The following AGBL1 variants were observed in gnomAD, a reference collection of about 807,000 sequenced individuals.
AGBL1 encodes the protein AGBL carboxypeptidase 1.
Under a neutral mutation model 118.9 loss-of-function variants are expected in AGBL1, and 130 were observed. The observed-to-expected ratio is 1.09, with a 90% CI of 0.95 to 1.26. The LOEUF is 1.26. AGBL1 is among the 50% of genes most tolerant of loss of function. The probability of loss-of-function intolerance (pLI) is 0.00; values close to 1 mark genes in which losing one functional copy is unlikely to be tolerated. For synonymous variants in AGBL1, 555 were observed against 478.9 expected (o/e 1.16, Z -2.08); for missense variants, 1,584 against 1,298.1 (o/e 1.22, Z -3.38).
intron 3 of AGBL1, among the ~76,000 whole-genome samples, chr15:86,148,632 A>G (rs1005326835): frequency 2.6e-5 from 4 of 152,244 alleles, no homozygotes; most frequent in African/African-American, 9.6e-5. Flanking sequence ...CTATGTGAAA[A>G]TACCAAATCT....
chr15:86,996,518 C>T (rs1170966811), intron 24 of AGBL1, among the ~76,000 whole-genome samples: 1 of 152,164 alleles, frequency 6.6e-6, no homozygotes. Context: ...GGGAGGATAG[C>T]CTGAGCCTGA....
intron 15 of AGBL1, among the ~76,000 whole-genome samples, chr15:86,278,070 C>T (rs1048201675): frequency 3.3e-5 from 5 of 152,152 alleles, no homozygotes; most frequent in Non-Finnish European, 7.4e-5. Flanking sequence ...GCATGCTTTC[C>T]GAGCTACCAT....
At chr15:86,215,130 C>T (rs989854514) in intron 5 of AGBL1, among the ~76,000 whole-genome samples, 1 of 151,890 alleles carries the variant, frequency 6.6e-6, no homozygotes, top group Admixed American at 6.6e-5. Flanking sequence ...CTGTTTTCTC[C>T]TCTCTCCCTT....
chr15:86,468,829 G>A (rs998231103), intron 18 of AGBL1, among the ~76,000 whole-genome samples: 1 of 152,142 alleles, frequency 6.6e-6, no homozygotes, highest in Admixed American at 6.5e-5. Flanking sequence ...TTAGGAGAGA[G>A]GAACTATTCA....
intron 5 of AGBL1, among the ~76,000 whole-genome samples, chr15:86,220,006 C>T (rs1426816630): frequency 7.7e-6 from 1 of 129,158 alleles, no homozygotes; most frequent in Non-Finnish European, 1.5e-5. Context: ...GGCTGGAGTG[C>T]AGTGGCACAA....
At chr15:86,470,884 G>A (rs1281113250) in intron 18 of AGBL1, among the ~76,000 whole-genome samples, 1 of 151,976 alleles carries the variant, frequency 6.6e-6, no homozygotes, top group Non-Finnish European at 1.5e-5. Flanking sequence ...GTGTCTTGCA[G>A]CATTACTGAA....
intron 13 of AGBL1, among the ~76,000 whole-genome samples, chr15:86,267,691 A>G (rs1255549217): frequency 6.6e-6 from 1 of 152,222 alleles, no homozygotes; most frequent in Non-Finnish European, 1.5e-5. Flanking sequence ...AGGAAATAAA[A>G]CACAAATGAA....
intron 23 of AGBL1, among the ~76,000 whole-genome samples, chr15:86,944,934 C>A (rs2080800199): frequency 6.6e-6 from 1 of 152,110 alleles, no homozygotes; most frequent in Non-Finnish European, 1.5e-5. Flanking sequence ...TAAACTGGCT[C>A]TTTCCTGAGC....
intron 17 of AGBL1, among the ~76,000 whole-genome samples, chr15:86,360,773 G>T (rs1221840885): frequency 6.6e-6 from 1 of 151,808 alleles, no homozygotes; most frequent in Non-Finnish European, 1.5e-5. Flanking sequence ...TTGGTAGGTT[G>T]TATATTTCTA....
intron 22 of AGBL1, among the ~76,000 whole-genome samples, chr15:86,801,315 A>G (rs540703881): frequency 2.7e-5 from 3 of 112,690 alleles, no homozygotes; most frequent in Admixed American, 8.1e-5. Context: ...GATTACATCT[A>G]TCTATCTATC....
At chr15:86,749,900 G>C (rs995196364) in intron 22 of AGBL1, among the ~76,000 whole-genome samples, 7 of 152,124 alleles carry the variant, frequency 4.6e-5, no homozygotes, top group Non-Finnish European at 8.8e-5. Context: ...TGTGCTGCTG[G>C]ATTCCGTTTG....
chr15:86,947,251 G>A (rs2080836285), intron 23 of AGBL1, among the ~76,000 whole-genome samples: 1 of 152,188 alleles, frequency 6.6e-6, no homozygotes, highest in Non-Finnish European at 1.5e-5. Flanking sequence ...TTTGGTAATT[G>A]TTTTGAATGA....
chr15:86,453,000 C>G (rs527660803), intron 18 of AGBL1, among the ~76,000 whole-genome samples: 1 of 152,184 alleles, frequency 6.6e-6, no homozygotes, highest in African/African-American at 2.4e-5. Context: ...ATCCTATATG[C>G]CTTACCCTTC....
intron 24 of AGBL1, among the ~76,000 whole-genome samples, chr15:87,007,000 A>T (rs1290373646): frequency 6.6e-6 from 1 of 152,186 alleles, no homozygotes; most frequent in Non-Finnish European, 1.5e-5. Flanking sequence ...AGCAGGGAAA[A>T]ACTAAGTCAT....
intron 22 of AGBL1, among the ~76,000 whole-genome samples, chr15:86,906,821 C>A (rs1244136666): frequency 2.0e-5 from 3 of 152,152 alleles, no homozygotes; most frequent in East Asian, 1.9e-4. Flanking sequence ...CTTTCCCCCC[C>A]AAGCCTCAAG....
At chr15:86,638,282 G>C (rs1301025085) in intron 21 of AGBL1, among the ~76,000 whole-genome samples, 1 of 152,200 alleles carries the variant, frequency 6.6e-6, no homozygotes, top group East Asian at 1.9e-4. Flanking sequence ...CCTTTAAAAT[G>C]TCTTCATATG....
At chr15:86,196,653 C>G (rs1320148281) in intron 5 of AGBL1, among the ~76,000 whole-genome samples, 2 of 152,026 alleles carry the variant, frequency 1.3e-5, no homozygotes, top group African/African-American at 4.8e-5. Flanking sequence ...TAAAGAAATA[C>G]ACTGCTATGG....
At chr15:86,831,446 G>A (rs1256234606) in intron 22 of AGBL1, among the ~76,000 whole-genome samples, 6 of 152,198 alleles carry the variant, frequency 3.9e-5, no homozygotes, top group African/African-American at 1.4e-4. Context: ...TTACTTCCTA[G>A]ATACAATGTG....
At chr15:86,250,411 A>G (rs939557439) in intron 7 of AGBL1, among the ~76,000 whole-genome samples, 19 of 151,794 alleles carry the variant, frequency 1.3e-4, no homozygotes, top group African/African-American at 4.3e-4. Flanking sequence ...CCGTAATCCC[A>G]GCTACTCAGG....
Sources: gnomAD v4.1 joint callset for allele counts (sites outside exome capture counted in the v4.1 genomes callset) on GRCh38, gnomAD v4.1.1 for gene constraint, MANE v1.5 for transcripts, NCBI Gene and HGNC (gene_info 2026-07-23, HGNC 2026-07-21) for gene names.